UGGT2: variants seen among roughly 807,000 people sequenced by gnomAD.
The protein encoded by UGGT2 is UDP-glucose:glycoprotein glucosyltransferase 2.
UGGT2 carries 180 observed loss-of-function variants against 192.1 expected under a neutral mutation model. That is an observed-to-expected ratio of 0.94 (90% confidence interval 0.83 to 1.06). The LOEUF is 1.06. UGGT2 is among the 50% of genes least tolerant of loss of function. The pLI, the probability that UGGT2 is intolerant of heterozygous loss-of-function variation, is 0.00. For missense variants in UGGT2, 1,849 were observed against 1,795.7 expected, an observed-to-expected ratio of 1.03 and a Z score of -0.54; for synonymous variants, 580 against 591.0, an observed-to-expected ratio of 0.98 and a Z score of 0.27.
chr13:95,910,575 C>T (rs1332746206), intron 20 of UGGT2, among the ~76,000 whole-genome samples: 3 of 152,044 alleles, frequency 2.0e-5, no homozygotes, highest in South Asian at 4.2e-4. Context: ...ACAGGAGCAC[C>T]CAGATTCATA....
intron 4 of UGGT2, among the ~76,000 whole-genome samples, chr13:96,018,924 G>A (rs2052424081): frequency 6.6e-6 from 1 of 150,540 alleles, no homozygotes; most frequent in Admixed American, 6.6e-5. Context: ...GAAAATCTAG[G>A]AAGGAGAAAC....
At chr13:95,962,376 A>G (rs1292154685) in intron 12 of UGGT2, among the ~76,000 whole-genome samples, 4 of 152,124 alleles carry the variant, frequency 2.6e-5, no homozygotes, top group Non-Finnish European at 5.9e-5. Context: ...GCACACTGAT[A>G]TCATATAAAC....
intron 20 of UGGT2, among the ~76,000 whole-genome samples, chr13:95,908,462 T>A (rs942247385): frequency 2.0e-5 from 3 of 149,338 alleles, no homozygotes; most frequent in Non-Finnish European, 4.5e-5. Context: ...TTCACCAAAG[T>A]TGAAATGAAG....
chr13:95,855,371 T>C (rs1889492406), intron 34 of UGGT2, among the ~76,000 whole-genome samples: 1 of 152,044 alleles, frequency 6.6e-6, no homozygotes, highest in African/African-American at 2.4e-5. Context: ...TATTACTTTT[T>C]TCTTAGAAAT....
At chr13:95,917,137 G>C (rs1163519146) in intron 20 of UGGT2, among the ~76,000 whole-genome samples, 1 of 152,142 alleles carries the variant, frequency 6.6e-6, no homozygotes, top group Non-Finnish European at 1.5e-5. Flanking sequence ...AATGTTAGGG[G>C]GCAGCCAGAC....
intron 9 of UGGT2, chr13:95,985,465 T>G: frequency 3.6e-6 from 1 of 274,760 alleles, no homozygotes; most frequent in Non-Finnish European, 7.2e-6. Context: ...GATTCTGTAA[T>G]CTGTATGATG....
chr13:95,815,175 G>C (rs1402027116), intron 38 of UGGT2, among the ~76,000 whole-genome samples: 2 of 152,020 alleles, frequency 1.3e-5, no homozygotes, highest in Non-Finnish European at 2.9e-5. Flanking sequence ...GGCATGGAAG[G>C]GTATCTGTTC....
intron 8 of UGGT2, among the ~76,000 whole-genome samples, chr13:95,987,785 A>G (rs1297624662): frequency 6.6e-6 from 1 of 152,116 alleles, no homozygotes; most frequent in East Asian, 1.9e-4. Flanking sequence ...AGAAGTATTT[A>G]CCTTGGAAAA....
intron 27 of UGGT2, among the ~76,000 whole-genome samples, chr13:95,880,533 G>A (rs188403193): frequency 6.6e-6 from 1 of 152,332 alleles, no homozygotes; most frequent in East Asian, 1.9e-4. Flanking sequence ...AGATAATTTG[G>A]TGGTTTGAGG....
Position 95,909,352 on chromosome 13 carries a change from C to G in UGGT2, c.2296-6292G>C, listed in dbSNP as rs915090476. On this transcript the variant is annotated intron_variant, in intron 20 of 38. Coordinates refer to ENST00000376747, the MANE Select transcript of UGGT2 (RefSeq NM_020121.4). The stretch of plus-strand genomic sequence containing the variant: ...CAATAGCAAAGACTTGGAACCAACC[C>G]AAATGTCCAACAATGATAGACTGGA... 5.3e-5 allele frequency among the ~76,000 whole-genome samples: 8 copies of G among 151,792 alleles called. No individual in the cohort carries two copies. The South Asian group carries it at 6.3e-4, about 12-fold the overall frequency.
intron 26 of UGGT2, among the ~76,000 whole-genome samples, chr13:95,885,678 T>C (rs931114619): frequency 6.6e-6 from 1 of 152,078 alleles, no homozygotes; most frequent in African/African-American, 2.4e-5. Flanking sequence ...GTTATGCAGA[T>C]AGACAAAGAA....
At position 95,892,958 on chromosome 13, in the gene UGGT2, G is replaced by T. The variant is rs1290595169; in HGVS notation, c.2855+1604C>A. On this transcript the variant is annotated intron_variant, in intron 24 of 38. Coordinates refer to ENST00000376747, the MANE Select transcript of UGGT2 (RefSeq NM_020121.4). Reference sequence around the variant, plus strand: ...GTAAGTTCCTGGGATGATGGGGTGAGTAGTTAGGATTGCTATTTTTGCCTT... The same window carrying T: ...GTAAGTTCCTGGGATGATGGGGTGATTAGTTAGGATTGCTATTTTTGCCTT... 2.0e-5 allele frequency among the ~76,000 whole-genome samples: 3 copies of T among 152,140 alleles called. No homozygotes were observed. In the East Asian group the frequency reaches 5.8e-4, roughly 29 times the overall value.
At chr13:95,884,719 C>T (rs542101943) in intron 26 of UGGT2, 39 bp from the exon 27 acceptor site, 26 of 1,529,222 alleles carry the variant, frequency 1.7e-5, no homozygotes, top group Non-Finnish European at 1.5e-5. Flanking sequence ...GTGACCAAAA[C>T]TGAGATTTTT....
In UGGT2 at chr13:96,021,947, G is replaced by C. The variant is rs116740439; in HGVS notation, c.485+1093C>G. Among the ~76,000 whole-genome samples the C allele has an allele frequency of 4.3e-3, 658 of 152,106 alleles. 7 individuals are homozygous for C. The highest frequency in any genetic ancestry group is 0.015 in the African/African-American group (631 of 41,510). ...ACCCTAACAAGGCTTTTGGGGAAGG[G>C]GAGCTTGGGGAGGAAAAGGATTCCA... On this transcript the variant is annotated intron_variant, in intron 4 of 38. Transcript: ENST00000376747.
At chr13:96,002,152 C>T (rs994542571) in intron 5 of UGGT2, among the ~76,000 whole-genome samples, 2 of 152,168 alleles carry the variant, frequency 1.3e-5, no homozygotes, top group Non-Finnish European at 2.9e-5. Flanking sequence ...GTACTTGTAT[C>T]TCCCACTCCC....
chr13:96,047,825 G>T lies in UGGT2; in HGVS notation c.158+5330C>A, dbSNP rs2053363232. On this transcript the variant is annotated intron_variant, in intron 1 of 38. Transcript: ENST00000376747. ...TATGCACCCAATACAGGAGCAACTA[G>T]ATTCATAAAGCAAGTCCTTAGAGAC... Among the ~76,000 whole-genome samples, 4 of 152,120 alleles carry T rather than the reference G, an allele frequency of 2.6e-5. No individual in the cohort carries two copies. In the South Asian group the frequency reaches 8.3e-4, roughly 32 times the overall value.
chr13:95,930,075 T>G (rs1439236146), intron 17 of UGGT2, among the ~76,000 whole-genome samples: 1 of 152,380 alleles, frequency 6.6e-6, no homozygotes. Flanking sequence ...GCCGCCTGCG[T>G]GTCTTCTTTT....
At chr13:95,909,779 T>A (rs1358655195) in intron 20 of UGGT2, among the ~76,000 whole-genome samples, 16 of 87,336 alleles carry the variant, frequency 1.8e-4, no homozygotes, top group South Asian at 6.9e-4. Flanking sequence ...ATAATAATAA[T>A]AAAAAAGATT....
At chr13:95,860,757 T>C in intron 32 of UGGT2, 31 bp downstream of exon 32, 2 of 1,356,064 alleles carry the variant, frequency 1.5e-6, no homozygotes, top group Non-Finnish European at 2.0e-6. Context: ...ATATTTCTTT[T>C]TCAAAATATA....
Sources: gnomAD v4.1 joint callset for allele counts (sites outside exome capture counted in the v4.1 genomes callset) on GRCh38, gnomAD v4.1.1 for gene constraint, MANE v1.5 for transcripts, NCBI Gene and HGNC (gene_info 2026-07-23, HGNC 2026-07-21) for gene names.